DKK1: variants seen among roughly 807,000 people sequenced by gnomAD.
The protein encoded by DKK1 is dickkopf-related protein 1.
A neutral mutation model predicts 26.0 loss-of-function variants in DKK1; 18 were observed. That is an observed-to-expected ratio of 0.69 (90% CI 0.48 to 1.03). The LOEUF is 1.03. Among genes scored for constraint, DKK1 ranks in the 50% least tolerant of loss-of-function variants. The pLI, the probability that DKK1 is intolerant of heterozygous loss-of-function variation, is 0.00. For synonymous variants in DKK1, 130 were observed against 132.6 expected (o/e 0.98, Z 0.13); for missense variants, 335 against 348.5 (o/e 0.96, Z 0.31).
Position 52,316,900 on chromosome 10 carries a change from A to T in DKK1, c.*93A>T. Reference sequence around the variant, plus strand: ...ATCAACTCAATCCTAAGGATATACAAGTTCTGTGGTTTCAGTTAAGCATTC... The same window carrying T: ...ATCAACTCAATCCTAAGGATATACATGTTCTGTGGTTTCAGTTAAGCATTC... On this transcript the variant is annotated 3_prime_UTR_variant, in exon 4 of 4. Transcript: ENST00000373970. 2.1e-6 allele frequency: 3 copies of T among 1,435,398 alleles called. No homozygotes were observed. The highest frequency in any genetic ancestry group is 1.9e-6 in the Non-Finnish European group (2 of 1,060,494). 88.9% of individuals were successfully genotyped at this position (1,435,398 alleles called of 1,614,324 possible). A position where few individuals can be genotyped will look rare whatever the true frequency, so the allele number is the denominator to read the frequency against.
chr10:52,314,502 G>A lies in DKK1; in HGVS notation c.68G>A (p.Gly23Asp). Residue 23 changes from glycine (G) to aspartate (D), a missense_variant, in exon 1 of 4, where the codon GGC (glycine) becomes GAC (aspartate). By Grantham distance (94) the Gly-to-Asp change is moderately conservative. Coordinates refer to ENST00000373970, the MANE Select transcript of DKK1 (RefSeq NM_012242.4). This position sits in a 1 kb window ranked among gnomAD's most constrained non-coding sequence, Gnocchi z 5.7. The part of the protein sequence containing the change: ...FVAMVAAALG[G>D]HPLLGVSATL... The stretch of plus-strand genomic sequence containing the variant: ...GCGATGGTAGCGGCGGCTCTCGGCG[G>A]CCACCCTCTGCTGGGAGTGAGCGCC... 1 of 1,613,676 alleles carries A rather than the reference G, an allele frequency of 6.2e-7. No homozygotes were observed. The highest frequency in any genetic ancestry group is 8.5e-7 in the Non-Finnish European group (1 of 1,180,020).
chr10:52,315,896 C>T lies in DKK1; in HGVS notation c.407-399C>T, dbSNP rs536029464. ...TTCCAGGCAGCTGGAATTGCATTTGCTTAACTTAGTCTGGTAGGACCCATA... is the reference window on the plus strand; with the variant it reads ...TTCCAGGCAGCTGGAATTGCATTTGTTTAACTTAGTCTGGTAGGACCCATA... On this transcript the variant is annotated intron_variant, in intron 2 of 3. Coordinates refer to ENST00000373970, the MANE Select transcript of DKK1 (RefSeq NM_012242.4). 1.1e-3 allele frequency among the ~76,000 whole-genome samples: 160 copies of T among 152,296 alleles called. 1 individual carries two copies. Among genetic ancestry groups the T allele is most frequent in the Admixed American group, 2.3e-3 (35 of 15,302 alleles).
rs1842602684 is a variant in DKK1 at position 52,315,070 on chromosome 10, A to T, written c.391A>T (p.Asn131Tyr). The part of the protein sequence containing the change: ...CMRHAMCCPG[N>Y]YCKNGICVSS... Reference sequence around the variant, plus strand: ...GCGTCACGCTATGTGCTGCCCCGGGAATTACTGCAAAAATGGTGAGTCCTG... The same window carrying T: ...GCGTCACGCTATGTGCTGCCCCGGGTATTACTGCAAAAATGGTGAGTCCTG... The change falls in exon 2 of 4, where the codon AAT becomes TAT. Residue 131 changes from asparagine (N) to tyrosine (Y), a missense_variant. Physicochemically the swap from Asn to Tyr is moderately radical, Grantham distance 143 (BLOSUM62 -2). Transcript: ENST00000373970. 1 of 1,552,114 alleles carries T rather than the reference A, an allele frequency of 6.4e-7. No homozygotes were observed. The highest frequency in any genetic ancestry group is 1.4e-5 in the African/African-American group (1 of 72,666).
At chr10:52,315,347 C>A (rs111548875) in intron 2 of DKK1, 7 of 353,750 alleles carry the variant, frequency 2.0e-5, no homozygotes, top group African/African-American at 1.3e-4. Context: ...TTCAATACAA[C>A]GGTTCACCTC....
In DKK1 at chr10:52,314,792, A is replaced by C; in HGVS notation, c.243+115A>C. The C allele has an allele frequency of 6.6e-7, 1 of 1,511,650 alleles. No homozygotes were observed. The highest frequency in any genetic ancestry group is 8.9e-7 in the Non-Finnish European group (1 of 1,127,324). The allele number at this position is 1,511,650 out of a possible 1,614,324, so 93.6% of individuals were successfully genotyped here. On this transcript the variant is annotated intron_variant, in intron 1 of 3. Coordinates refer to ENST00000373970, the MANE Select transcript of DKK1 (RefSeq NM_012242.4). The surrounding 1 kb of genome is among the most constrained non-coding windows in gnomAD (Gnocchi z 5.7). ...TTCAGGGAGCATTTGGTAACCCTGCATTTGGGAGCAGTGGGCAGTAACAGG... is the reference window on the plus strand; with the variant it reads ...TTCAGGGAGCATTTGGTAACCCTGCCTTTGGGAGCAGTGGGCAGTAACAGG...
At position 52,314,532 on chromosome 10, in the gene DKK1, T is replaced by G; in HGVS notation, c.98T>G (p.Leu33Trp). The G allele has an allele frequency of 6.2e-7, 1 of 1,613,814 alleles. No homozygotes were observed. The highest frequency in any genetic ancestry group is 8.5e-7 in the Non-Finnish European group (1 of 1,179,998). ...GHPLLGVSAT[L>W]NSVLNSNAIK... The stretch of plus-strand genomic sequence containing the variant: ...CCTCTGCTGGGAGTGAGCGCCACCT[T>G]GAACTCGGTTCTCAATTCCAACGCT... Residue 33 changes from leucine (L) to tryptophan (W), a missense_variant, in exon 1 of 4, where the codon TTG (leucine) becomes TGG (tryptophan). Physicochemically the swap from Leu to Trp is moderately conservative, Grantham distance 61. Transcript: ENST00000373970. This position sits in a 1 kb window ranked among gnomAD's most constrained non-coding sequence, Gnocchi z 5.7.
In DKK1 at chr10:52,315,018, C is replaced by G; in HGVS notation, c.339C>G (p.Ala113=). The change falls in exon 2 of 4, where the codon GCC becomes GCG. Residue 113 remains alanine (A), a synonymous_variant. Coordinates refer to ENST00000373970, the MANE Select transcript of DKK1 (RefSeq NM_012242.4). ...GGDAGVQICL[A]CRKRRKRCMR... is the part of the protein sequence containing the mutation. The stretch of plus-strand genomic sequence containing the variant: ...ACGCAGGCGTGCAAATCTGTCTCGC[C>G]TGCAGGAAGCGCCGAAAACGCTGCA... 6.2e-7 allele frequency: 1 copy of G among 1,605,796 alleles called. No homozygotes were observed. Among genetic ancestry groups the G allele is most frequent in the Admixed American group, 1.7e-5 (1 of 59,702 alleles).
At chr10:52,315,147 GGCGGGGGCGGGGGGTT>G in intron 2 of DKK1, 62 bp downstream of exon 2, 1 of 672,146 alleles carries the variant, frequency 1.5e-6, no homozygotes, top group East Asian at 3.4e-5. Context: ...CTATGAATTG[GGCGGGGGCGGGGGGTT>G]GGGGGGGGTG....
At position 52,314,742 on chromosome 10, in the gene DKK1, A is replaced by G; in HGVS notation, c.243+65A>G. 6.3e-7 allele frequency: 1 copy of G among 1,581,886 alleles called. No individual in the cohort carries two copies. On this transcript the variant is annotated intron_variant, in intron 1 of 3. Transcript: ENST00000373970. This position sits in a 1 kb window ranked among gnomAD's most constrained non-coding sequence, Gnocchi z 5.7. ...AAAGGGTCCTATCTGGAGACGAGGGAGTAGAACGTGCTGAATGTGTGCGGT... is the reference window on the plus strand; with the variant it reads ...AAAGGGTCCTATCTGGAGACGAGGGGGTAGAACGTGCTGAATGTGTGCGGT...
rs772853927 is a variant in DKK1, at chr10:52,316,796, C to T, written c.790C>T (p.Gln264Ter). The T allele has an allele frequency of 6.2e-7, 1 of 1,614,064 alleles. No homozygotes were observed. The highest frequency in any genetic ancestry group is 1.1e-5 in the South Asian group (1 of 91,056). ...ASNSSRLHTC[Q>*]RH ...TAATTCTTCTAGGCTTCACACTTGT[C>T]AGAGACACTAAACCAGCTATCCAAA... Residue 264 changes from glutamine (Q) to a stop codon, truncating the protein, a stop_gained, in exon 4 of 4, where the codon CAG (glutamine) becomes TAG (stop). Transcript: ENST00000373970. LOFTEE classifies it high-confidence loss of function.
rs545596036 is a variant in DKK1, at chr10:52,314,450, G to A, written c.16G>A (p.Ala6Thr). 1.2e-6 allele frequency: 2 copies of A among 1,613,908 alleles called. No individual in the cohort carries two copies. MMALGAAGATRVFVAM... is the reference protein window; with the variant it reads MMALGTAGATRVFVAM... The stretch of plus-strand genomic sequence containing the variant: ...TCCTTCTGAGATGATGGCTCTGGGC[G>A]CAGCGGGAGCTACCCGGGTCTTTGT... Residue 6 changes from alanine to threonine, a missense_variant, in exon 1 of 4, where the codon GCA becomes ACA. Physicochemically the swap from Ala to Thr is moderately conservative, Grantham distance 58. Coordinates refer to ENST00000373970, the MANE Select transcript of DKK1 (RefSeq NM_012242.4). This position sits in a 1 kb window ranked among gnomAD's most constrained non-coding sequence, Gnocchi z 5.7.
rs1842624727 is a variant in DKK1, at chr10:52,317,106, A to T, written c.*299A>T. 6.2e-6 allele frequency: 2 copies of T among 323,898 alleles called. No homozygotes were observed. Among genetic ancestry groups the T allele is most frequent in the Admixed American group, 4.6e-5 (1 of 21,530 alleles). The allele number at this position is 323,898 out of a possible 1,614,324, so 20.1% of individuals were successfully genotyped here. A position where few individuals can be genotyped will look rare whatever the true frequency, so the allele number is the denominator to read the frequency against. ...GCCTATTTTTCCTCTTGTTATGTAA[A>T]TTTTTGTACACATTGATTGTTATCT... On this transcript the variant is annotated 3_prime_UTR_variant, in exon 4 of 4. Coordinates refer to ENST00000373970, the MANE Select transcript of DKK1 (RefSeq NM_012242.4).
chr10:52,314,962 G>A lies in DKK1; in HGVS notation c.283G>A (p.Glu95Lys). The A allele has an allele frequency of 3.8e-6, 6 of 1,590,116 alleles. No individual in the cohort carries two copies. Among genetic ancestry groups the A allele is most frequent in the East Asian group, 4.5e-5 (2 of 44,190 alleles). Residue 95 changes from glutamate to lysine, a missense_variant, in exon 2 of 4, where the codon GAG becomes AAG. Physicochemically the swap from Glu to Lys is moderately conservative, Grantham distance 56. Transcript: ENST00000373970. This position sits in a 1 kb window ranked among gnomAD's most constrained non-coding sequence, Gnocchi z 5.7. ...AGAGGACGAGGAGTGCGGCACTGATGAGTACTGCGCTAGTCCCACCCGCGG... is the reference window on the plus strand; with the variant it reads ...AGAGGACGAGGAGTGCGGCACTGATAAGTACTGCGCTAGTCCCACCCGCGG... ...CAEDEECGTD[E>K]YCASPTRGGD...
rs1842600533 is a variant in DKK1 at position 52,314,905 on chromosome 10, C to T, written c.244-18C>T. On this transcript the variant is annotated intron_variant, in intron 1 of 3. Coordinates refer to ENST00000373970, the MANE Select transcript of DKK1 (RefSeq NM_012242.4). The surrounding 1 kb of genome is among the most constrained non-coding windows in gnomAD (Gnocchi z 5.7). ...GGACGTCTGGGTGCCTCACCCTCTC[C>T]CCGAACCCTTCCCACAGCCGTACCC... 16 of 1,493,738 alleles carry T rather than the reference C, an allele frequency of 1.1e-5. No homozygotes were observed. Among genetic ancestry groups the T allele is most frequent in the Non-Finnish European group, 1.4e-5 (16 of 1,116,346 alleles). 92.5% of individuals were successfully genotyped at this position (1,493,738 alleles called of 1,614,324 possible).
In DKK1 at chr10:52,314,616, G is replaced by T; in HGVS notation, c.182G>T (p.Ser61Ile). 6.2e-7 allele frequency: 1 copy of T among 1,613,314 alleles called. No individual in the cohort carries two copies. Among genetic ancestry groups the T allele is most frequent in the Non-Finnish European group, 8.5e-7 (1 of 1,179,990 alleles). ...GCGGGGCACCCAGGCTCTGCAGTCA[G>T]CGCCGCGCCGGGAATCCTGTACCCG... The part of the protein sequence containing the change: ...GAAGHPGSAV[S>I]AAPGILYPGG... Residue 61 changes from serine (S) to isoleucine (I), a missense_variant, in exon 1 of 4, where the codon AGC becomes ATC. By Grantham distance (142) the Ser-to-Ile change is moderately radical. Coordinates refer to ENST00000373970, the MANE Select transcript of DKK1 (RefSeq NM_012242.4). The surrounding 1 kb of genome is among the most constrained non-coding windows in gnomAD (Gnocchi z 5.7).
In DKK1 at chr10:52,317,149, A is replaced by G. The variant is rs565194608; in HGVS notation, c.*342A>G. 2 of 238,260 alleles carry G rather than the reference A, an allele frequency of 8.4e-6. No homozygotes were observed. Among genetic ancestry groups the G allele is most frequent in the East Asian group, 2.2e-4 (2 of 9,270 alleles). 14.8% of individuals were successfully genotyped at this position (238,260 alleles called of 1,614,324 possible). A position where few individuals can be genotyped will look rare whatever the true frequency, so the allele number is the denominator to read the frequency against. ...TGTTATCTTGACTGACAAATATTCT[A>G]TATTGAACTGAAGTAAATCATTTCA... On this transcript the variant is annotated 3_prime_UTR_variant, in exon 4 of 4. Coordinates refer to ENST00000373970, the MANE Select transcript of DKK1 (RefSeq NM_012242.4).
Position 52,316,662 on chromosome 10 carries a change from T to C in DKK1, c.656T>C (p.Val219Ala). Residue 219 changes from valine (V) to alanine (A), a missense_variant, in exon 4 of 4, where the codon GTG becomes GCG. Transcript: ENST00000373970. ...AAACCTGTCCTGAAAGAAGGTCAAG[T>C]GTGTACCAAGCATAGGAGAAAAGGC... Reference protein sequence around the residue: ...ICKPVLKEGQVCTKHRRKGSH... With the variant: ...ICKPVLKEGQACTKHRRKGSH... 2.5e-6 allele frequency: 4 copies of C among 1,614,112 alleles called. No homozygotes were observed. In the South Asian group the frequency reaches 4.4e-5, roughly 18 times the overall value.
At position 52,316,589 on chromosome 10, in the gene DKK1, T is replaced by C; in HGVS notation, c.583T>C (p.Cys195Arg). The change falls in exon 4 of 4, where the codon TGT becomes CGT. Residue 195 changes from cysteine (C) to arginine (R), a missense_variant. Coordinates refer to ENST00000373970, the MANE Select transcript of DKK1 (RefSeq NM_012242.4). ...EGSVCLRSSD[C>R]ASGLCCARHF... ...TTCTGTTTGTCTCCGGTCATCAGAC[T>C]GTGCCTCAGGATTGTGTTGTGCTAG... The C allele has an allele frequency of 6.2e-7, 1 of 1,614,096 alleles. No homozygotes were observed. Among genetic ancestry groups the C allele is most frequent in the Non-Finnish European group, 8.5e-7 (1 of 1,180,014 alleles).
At chr10:52,316,461 G>C in intron 3 of DKK1, 26 bp downstream of exon 3, 1 of 1,612,890 alleles carries the variant, frequency 6.2e-7, no homozygotes, top group Non-Finnish European at 8.5e-7. Flanking sequence ...CTCATTCTTA[G>C]CACATCAGAA....
Sources: gnomAD v4.1 joint callset for allele counts (sites outside exome capture counted in the v4.1 genomes callset) on GRCh38, gnomAD v4.1.1 for gene constraint, Gnocchi (gnomAD v3.1) non-coding constraint, MANE v1.5 for transcripts, NCBI Gene and HGNC (gene_info 2026-07-23, HGNC 2026-07-21) for gene names.